CCDC171: variants seen among roughly 807,000 people sequenced by gnomAD.
CCDC171 encodes the protein coiled-coil domain containing 171, also known as coiled-coil domain-containing protein 171.
Under a neutral mutation model 168.2 loss-of-function variants are expected in CCDC171, and 177 were observed. The observed-to-expected ratio is 1.05, with a 90% CI of 0.93 to 1.19. The LOEUF (loss-of-function observed/expected upper bound fraction) is 1.19. CCDC171 is among the 50% of genes most tolerant of loss of function. CCDC171 has a pLI of 0.00. For missense variants in CCDC171, 1,991 were observed against 1,539.0 expected (o/e 1.29, Z -4.91); for synonymous variants, 687 against 540.8 (o/e 1.27, Z -3.75).
intron 11 of CCDC171, among the ~76,000 whole-genome samples, chr9:15,721,308 A>T (rs192120630): frequency 6.6e-6 from 1 of 152,046 alleles, no homozygotes; most frequent in Non-Finnish European, 1.5e-5. Flanking sequence ...ATAGTGCAGT[A>T]TAAAAGGCCT....
At chr9:15,655,935 G>T (rs1406455748) in intron 7 of CCDC171, among the ~76,000 whole-genome samples, 1 of 152,202 alleles carries the variant, frequency 6.6e-6, no homozygotes, top group African/African-American at 2.4e-5. Context: ...GCAAGTGTTG[G>T]TGAGGATGTG....
chr9:16,063,135 T>G (rs1042425365), downstream of CCDC171, among the ~76,000 whole-genome samples: 1 of 151,940 alleles, frequency 6.6e-6, no homozygotes, highest in Non-Finnish European at 1.5e-5. Flanking sequence ...AAGAAGGTGG[T>G]TTGCGGAAAG....
intron 7 of CCDC171, among the ~76,000 whole-genome samples, chr9:15,638,820 G>T (rs1038469611): frequency 1.3e-5 from 2 of 151,512 alleles, no homozygotes; most frequent in Non-Finnish European, 2.9e-5. Flanking sequence ...GGATACCATA[G>T]AATCAAGGGA....
chr9:15,798,608 C>A (rs2058669469), intron 21 of CCDC171, among the ~76,000 whole-genome samples: 1 of 152,080 alleles, frequency 6.6e-6, no homozygotes, highest in Non-Finnish European at 1.5e-5. Context: ...CAGGAATCAG[C>A]AAAATGTGAC....
At position 15,820,109 on chromosome 9, in the gene CCDC171, G is replaced by GCC. The variant is rs1178632822; in HGVS notation, c.3268-26593_3268-26592insCC. ...ATGACTACTGGGTACATAACAAAAT[G>GCC]AAGGCAGAAATAAAGGTGTTCTTTG... On this transcript the variant is annotated intron_variant, in intron 21 of 25. Transcript: ENST00000380701. Among the ~76,000 whole-genome samples, 39 of 117,876 alleles carry GCC rather than the reference G, an allele frequency of 3.3e-4. 12 individuals carry two copies. The highest frequency in any genetic ancestry group is 1.2e-3 in the African/African-American group (39 of 31,406). 77.3% of individuals were successfully genotyped at this position (117,876 alleles called of 152,430 possible).
rs899278784 is a variant in CCDC171, at chr9:15,937,334, A to T, written c.3753+16912A>T. On this transcript the variant is annotated intron_variant, in intron 25 of 25. Coordinates refer to ENST00000380701, the MANE Select transcript of CCDC171 (RefSeq NM_173550.4). Reference sequence around the variant, plus strand: ...TTTGGAAGGAAATGAACCTCATTAAACAGTTTTTAATATTTTAATATAAGT... The same window carrying T: ...TTTGGAAGGAAATGAACCTCATTAATCAGTTTTTAATATTTTAATATAAGT... Among the ~76,000 whole-genome samples, 38 of 152,018 alleles carry T rather than the reference A, an allele frequency of 2.5e-4. 3 individuals are homozygous for T. The highest frequency in any genetic ancestry group is 1.5e-5 in the Non-Finnish European group (1 of 67,952).
intron 1 of CCDC171, among the ~76,000 whole-genome samples, chr9:15,559,378 G>T (rs1563937255): frequency 6.6e-6 from 1 of 152,036 alleles, no homozygotes; most frequent in Admixed American, 6.6e-5. Context: ...AAGTCTCTTT[G>T]TAGGTCTCTA....
intron 6 of CCDC171, among the ~76,000 whole-genome samples, chr9:15,608,944 C>CAA (rs71491669): frequency 0.012 from 169 of 13,692 alleles, 41 homozygotes; most frequent in African/African-American, 0.028. Context: ...GACCCTGTCT[C>CAA]AAAAAAAAAA....
At chr9:15,590,777 C>CTT (rs796166036) in intron 4 of CCDC171, among the ~76,000 whole-genome samples, 1 of 104,218 alleles carries the variant, frequency 9.6e-6, no homozygotes, top group Non-Finnish European at 2.1e-5. Flanking sequence ...CTTTCTCTTT[C>CTT]TTTCTTTCTT....
intron 2 of CCDC171, among the ~76,000 whole-genome samples, chr9:15,566,099 G>A (rs867692856): frequency 3.3e-5 from 5 of 152,098 alleles, no homozygotes; most frequent in South Asian, 2.1e-4. Context: ...TTTTCCTAAT[G>A]ATTAACGATG....
At chr9:16,069,894 C>T in the CCDC171 span, among the ~76,000 whole-genome samples, 1 of 152,150 alleles carries the variant, frequency 6.6e-6, no homozygotes, top group Non-Finnish European at 1.5e-5. Flanking sequence ...CCTTCCCAAG[C>T]TGGATTCTAA....
chr9:15,962,163 G>A (rs1423014729), intron 25 of CCDC171, among the ~76,000 whole-genome samples: 4 of 152,104 alleles, frequency 2.6e-5, no homozygotes. Context: ...CAACACAGGG[G>A]CTAATGCTTG....
the CCDC171 span, among the ~76,000 whole-genome samples, chr9:16,108,698 C>T: frequency 6.6e-6 from 1 of 152,156 alleles, no homozygotes; most frequent in East Asian, 1.9e-4. Flanking sequence ...ACAGTTGGCC[C>T]TTTGTGTTCA....
intron 6 of CCDC171, among the ~76,000 whole-genome samples, chr9:15,598,906 G>A (rs1488633390): frequency 1.3e-5 from 2 of 151,874 alleles, no homozygotes; most frequent in African/African-American, 4.8e-5. Context: ...TTATGTAATG[G>A]CCTTCTTTGT....
At chr9:16,094,301 G>C in the CCDC171 span, among the ~76,000 whole-genome samples, 2 of 152,210 alleles carry the variant, frequency 1.3e-5, no homozygotes, top group Non-Finnish European at 2.9e-5. Context: ...GACTCTAGTG[G>C]TCCAGTGAAG....
At chr9:16,051,070 C>T (rs1241783255) in intron 1 of CCDC171, among the ~76,000 whole-genome samples, 2 of 152,076 alleles carry the variant, frequency 1.3e-5, no homozygotes, top group South Asian at 2.1e-4. Context: ...ACAAAGTGGC[C>T]TATGCAGTGT....
At chr9:15,923,430 T>C (rs1295126001) in intron 25 of CCDC171, among the ~76,000 whole-genome samples, 1 of 151,324 alleles carries the variant, frequency 6.6e-6, no homozygotes, top group East Asian at 1.9e-4. Context: ...ATCTCACTCA[T>C]ATGTAGAATC....
chr9:15,636,496 C>A (rs1224445694), intron 7 of CCDC171, among the ~76,000 whole-genome samples: 1 of 151,940 alleles, frequency 6.6e-6, no homozygotes, highest in African/African-American at 2.4e-5. Context: ...TGCCTGTAAT[C>A]CCAGCACTTT....
chr9:15,608,737 A>C (rs2043406034), intron 6 of CCDC171, among the ~76,000 whole-genome samples: 1 of 150,432 alleles, frequency 6.6e-6, no homozygotes, highest in Non-Finnish European at 1.5e-5. Context: ...GAATTGCTTG[A>C]GCCCAGGAGT....
Sources: gnomAD v4.1 joint callset for allele counts (sites outside exome capture counted in the v4.1 genomes callset) on GRCh38, gnomAD v4.1.1 for gene constraint, MANE v1.5 for transcripts, NCBI Gene and HGNC (gene_info 2026-07-23, HGNC 2026-07-21) for gene names.